Variants in PSTPIP2 observed in about 807,000 individuals in gnomAD.
PSTPIP2 encodes the protein proline-serine-threonine phosphatase-interacting protein 2.
PSTPIP2 carries 33 observed loss-of-function variants against 63.3 expected under a neutral mutation model. That is an observed-to-expected ratio of 0.52 (90% CI 0.40 to 0.70). The LOEUF (loss-of-function observed/expected upper bound fraction) is 0.70. Ranked by LOEUF, PSTPIP2 falls within the 30% of genes least tolerant of loss-of-function variation. PSTPIP2 has a pLI of 0.00. For synonymous variants in PSTPIP2, 125 were observed against 132.7 expected, an observed-to-expected ratio of 0.94 and a Z score of 0.40; for missense variants, 312 against 400.7, an observed-to-expected ratio of 0.78 and a Z score of 1.89.
At chr18:46,025,378 C>T (rs1191007214) in intron 2 of PSTPIP2, among the ~76,000 whole-genome samples, 8 of 152,134 alleles carry the variant, frequency 5.3e-5, no homozygotes, top group African/African-American at 1.9e-4. Context: ...GTCTAAAACA[C>T]GCCAGCACCT....
Position 45,985,281 on chromosome 18 carries a change from C to G in PSTPIP2, c.*178G>C, listed in dbSNP as rs1274609396. On this transcript the variant is annotated 3_prime_UTR_variant, in exon 15 of 15. Transcript: ENST00000409746. ...GTAAACTTCAAAAAACTGCAGAACT[C>G]TACTTGCTTATGTTGTCCTAAATGT... is the stretch of plus-strand genomic sequence containing the variant. 1 of 808,726 alleles carries G rather than the reference C, an allele frequency of 1.2e-6. No homozygotes were observed. The allele number at this position is 808,726 out of a possible 1,614,324, so 50.1% of individuals were successfully genotyped here.
chr18:46,063,013 T>G (rs747823072), intron 1 of PSTPIP2, among the ~76,000 whole-genome samples: 13 of 152,292 alleles, frequency 8.5e-5, no homozygotes, highest in South Asian at 2.1e-4. Flanking sequence ...AAAGACAGTA[T>G]TTTTAGTGAG....
chr18:46,054,640 G>A (rs999031920), intron 1 of PSTPIP2, among the ~76,000 whole-genome samples: 9 of 151,112 alleles, frequency 6.0e-5, no homozygotes, highest in Non-Finnish European at 8.8e-5. Flanking sequence ...ACCTAAAACC[G>A]CTCTAAATAA....
At chr18:46,028,750 C>CT (rs1907683298) in intron 2 of PSTPIP2, 1 of 996,808 alleles carries the variant, frequency 1.0e-6, no homozygotes, top group Admixed American at 1.7e-5. Context: ...TAAGAAGCGA[C>CT]TTTAAGAAGA....
chr18:46,027,877 A>T (rs1433976934), intron 2 of PSTPIP2, among the ~76,000 whole-genome samples: 1 of 152,066 alleles, frequency 6.6e-6, no homozygotes, highest in Non-Finnish European at 1.5e-5. Context: ...AATAAGTAAG[A>T]GGGCCGGGCA....
At position 46,039,941 on chromosome 18, in the gene PSTPIP2, T is replaced by A. The variant is rs775698248; in HGVS notation, c.134+6A>T. ...CCTCTTCAGAGAGGACAGAGCATCA[T>A]CGTACCTTTCTTTTAGAAAGTCTTC... On this transcript the variant is annotated splice_donor_region_variant and intron_variant, in intron 2 of 14. Transcript: ENST00000409746. 6.2e-7 allele frequency: 1 copy of A among 1,603,606 alleles called. No homozygotes were observed. The highest frequency in any genetic ancestry group is 8.5e-7 in the Non-Finnish European group (1 of 1,170,478).
chr18:45,992,910 G>A (rs978691190), intron 10 of PSTPIP2, among the ~76,000 whole-genome samples: 1 of 151,984 alleles, frequency 6.6e-6, no homozygotes, highest in Non-Finnish European at 1.5e-5. Flanking sequence ...ATTTTTAGTA[G>A]AGACGGGGTT....
chr18:46,016,597 A>G (rs777925774), intron 3 of PSTPIP2, among the ~76,000 whole-genome samples: 4 of 152,244 alleles, frequency 2.6e-5, no homozygotes, highest in Non-Finnish European at 4.4e-5. Context: ...GACAGACATT[A>G]AACAAATCGT....
chr18:45,986,517 A>T (rs929961680), intron 14 of PSTPIP2, among the ~76,000 whole-genome samples: 2 of 152,208 alleles, frequency 1.3e-5, no homozygotes, highest in Non-Finnish European at 2.9e-5. Context: ...CCTGCCCATC[A>T]TCTACACAGT....
intron 1 of PSTPIP2, among the ~76,000 whole-genome samples, chr18:46,058,575 G>T (rs186573508): frequency 3.1e-4 from 47 of 152,104 alleles, no homozygotes; most frequent in African/African-American, 1.1e-3. Context: ...TGGCCAGGCT[G>T]GTCTCAAACT....
chr18:46,059,463 G>A (rs535790185), intron 1 of PSTPIP2, among the ~76,000 whole-genome samples: 3 of 152,110 alleles, frequency 2.0e-5, no homozygotes, highest in Non-Finnish European at 4.4e-5. Context: ...TGGCCAGGCT[G>A]GTCTGGAACT....
intron 8 of PSTPIP2, among the ~76,000 whole-genome samples, chr18:45,998,140 T>A (rs1202729693): frequency 2.6e-5 from 4 of 152,214 alleles, no homozygotes; most frequent in Non-Finnish European, 5.9e-5. Flanking sequence ...CACCTCAGTA[T>A]TTCCCATCGC....
At chr18:45,992,836 C>T (rs983653444) in intron 10 of PSTPIP2, among the ~76,000 whole-genome samples, 1 of 152,094 alleles carries the variant, frequency 6.6e-6, no homozygotes, top group African/African-American at 2.4e-5. Context: ...AATTCCCCTG[C>T]CTCAGCCTCC....
chr18:46,013,679 G>A lies in PSTPIP2; in HGVS notation c.247+2224C>T, dbSNP rs139148132. Among the ~76,000 whole-genome samples, 17 of 152,092 alleles carry A rather than the reference G, an allele frequency of 1.1e-4. No homozygotes were observed. In the East Asian group the frequency reaches 2.9e-3, roughly 26 times the overall value. Reference sequence around the variant, plus strand: ...CTGAGAAATTAAGAAAGGATGCTGAGGGCACTATGACTTATGTCTTCCATT... The same window carrying A: ...CTGAGAAATTAAGAAAGGATGCTGAAGGCACTATGACTTATGTCTTCCATT... On this transcript the variant is annotated intron_variant, in intron 4 of 14. Coordinates refer to ENST00000409746, the MANE Select transcript of PSTPIP2 (RefSeq NM_024430.4).
chr18:46,072,109 G>C (rs1006704685), intron 1 of PSTPIP2, 47 bp downstream of exon 1: 7 of 1,514,274 alleles, frequency 4.6e-6, no homozygotes, highest in Non-Finnish European at 6.2e-6. Flanking sequence ...CCTCCCGCCC[G>C]GGCCGGGTCC....
At chr18:45,996,815 G>A (rs80110556) in intron 9 of PSTPIP2, among the ~76,000 whole-genome samples, 27,131 of 151,934 alleles carry the variant, frequency 0.18, 2,946 homozygotes, top group East Asian at 0.41. Context: ...GGTGGTGCAC[G>A]CCTGTAGTCC....
At chr18:46,010,170 A>G (rs920396620) in intron 5 of PSTPIP2, among the ~76,000 whole-genome samples, 1 of 152,166 alleles carries the variant, frequency 6.6e-6, no homozygotes, top group African/African-American at 2.4e-5. Context: ...CTGGACCTAG[A>G]CTCCAACCCA....
At chr18:46,011,079 T>C in intron 5 of PSTPIP2, 102 bp downstream of exon 5, 1 of 973,334 alleles carries the variant, frequency 1.0e-6, no homozygotes, top group Non-Finnish European at 1.6e-6. Context: ...CAGGTCATGA[T>C]TACATGATGG....
chr18:46,057,997 C>CAAAAA (rs71177701), intron 1 of PSTPIP2, among the ~76,000 whole-genome samples: 1 of 100,598 alleles, frequency 9.9e-6, no homozygotes, highest in Non-Finnish European at 2.0e-5. Flanking sequence ...GACTCCGTCT[C>CAAAAA]AAAAAAAAAA....
Sources: allele counts gnomAD v4.1 joint callset (sites outside exome capture counted in the v4.1 genomes callset), GRCh38; gene constraint gnomAD v4.1.1; transcripts MANE v1.5; gene names NCBI Gene and HGNC (gene_info 2026-07-23, HGNC 2026-07-21).